Variants in ARHGEF3 observed in about 807,000 individuals in gnomAD.
ARHGEF3 encodes Rho guanine nucleotide exchange factor 3.
Under a neutral mutation model 63.2 loss-of-function variants are expected in ARHGEF3, and 28 were observed. That is an observed-to-expected ratio of 0.44 (90% CI 0.33 to 0.61). ARHGEF3 has a LOEUF of 0.61. ARHGEF3 is among the 20% of genes least tolerant of loss of function. ARHGEF3 has a pLI of 0.03. For synonymous variants in ARHGEF3, 266 were observed against 254.2 expected (o/e 1.05, Z -0.44); for missense variants, 533 against 659.3 (o/e 0.81, Z 2.10).
chr3:56,935,294 G>C (rs1394696773), intron 3 of ARHGEF3, among the ~76,000 whole-genome samples: 2 of 152,140 alleles, frequency 1.3e-5, no homozygotes, highest in Non-Finnish European at 2.9e-5. Flanking sequence ...TTTGTGTCTA[G>C]CTCAGGGATT....
chr3:57,035,550 T>C (rs1219165045), intron 1 of ARHGEF3, among the ~76,000 whole-genome samples: 2 of 152,252 alleles, frequency 1.3e-5, no homozygotes, highest in East Asian at 3.8e-4. Context: ...GGTTAGACCA[T>C]GTTGGCTAGG....
intron 8 of ARHGEF3, among the ~76,000 whole-genome samples, chr3:56,734,845 G>C (rs184634159): frequency 6.6e-6 from 1 of 152,090 alleles, no homozygotes; most frequent in Non-Finnish European, 1.5e-5. Context: ...TTTTTGGTGT[G>C]GTAGTTGTGG....
At chr3:56,833,574 C>T (rs937493577) in intron 4 of ARHGEF3, among the ~76,000 whole-genome samples, 2 of 152,138 alleles carry the variant, frequency 1.3e-5, no homozygotes, top group Non-Finnish European at 2.9e-5. Flanking sequence ...TTCCCTACAC[C>T]ACATTTTATT....
intron 2 of ARHGEF3, among the ~76,000 whole-genome samples, chr3:57,003,177 G>C (rs111533658): frequency 6.6e-6 from 1 of 151,056 alleles, no homozygotes; most frequent in Non-Finnish European, 1.5e-5. Context: ...AGGCAGAGGC[G>C]GGCGGATCAC....
At chr3:56,967,669 A>C (rs1344264173) in intron 2 of ARHGEF3, among the ~76,000 whole-genome samples, 1 of 85,900 alleles carries the variant, frequency 1.2e-5, no homozygotes, top group Non-Finnish European at 2.0e-5. Flanking sequence ...TATTATATAT[A>C]ATACTTATTA....
intron 2 of ARHGEF3, among the ~76,000 whole-genome samples, chr3:56,965,681 CT>C: frequency 6.9e-6 from 1 of 144,936 alleles, no homozygotes; most frequent in East Asian, 2.0e-4. Flanking sequence ...CGGAGTCTCG[CT>C]CTGTCGCCCA....
rs371047984 is a variant in ARHGEF3 at position 56,912,928 on chromosome 3, A to G, written c.130-30574T>C. 1.1e-4 allele frequency among the ~76,000 whole-genome samples: 16 copies of G among 152,350 alleles called. No individual in the cohort carries two copies. The East Asian group carries it at 2.9e-3, about 28-fold the overall frequency. On this transcript the variant is annotated intron_variant, in intron 3 of 12. Transcript: ENST00000338458. ...CAAGGTGGGATGATCACTTAAGGCC[A>G]GGAGTTCAAGACGAGCCTGGGCAAC...
intron 2 of ARHGEF3, among the ~76,000 whole-genome samples, chr3:57,010,088 G>A (rs530761511): frequency 1.5e-4 from 23 of 152,208 alleles, no homozygotes; most frequent in South Asian, 4.1e-4. Context: ...ACATGCAGGC[G>A]CCACAGCACA....
rs139299654 is a variant in ARHGEF3, at chr3:56,975,573, T to A, written c.63-16684A>T. Among the ~76,000 whole-genome samples the A allele has an allele frequency of 4.7e-4, 71 of 152,306 alleles. 1 individual carries two copies. In the East Asian group the frequency reaches 8.3e-3, roughly 18 times the overall value. Reference sequence around the variant, plus strand: ...AGTAGATATATTTGTTACTCCCACTTTACAGGTGAAAAAACTGAGGCTCAG... The same window carrying A: ...AGTAGATATATTTGTTACTCCCACTATACAGGTGAAAAAACTGAGGCTCAG... On this transcript the variant is annotated intron_variant, in intron 2 of 12. Coordinates refer to the ARHGEF3 transcript ENST00000338458.
rs1312790542 is a variant in ARHGEF3, at chr3:56,727,842, T to C, written c.*1428A>G. On this transcript the variant is annotated 3_prime_UTR_variant, in exon 10 of 10. Coordinates refer to ENST00000296315, the MANE Select transcript of ARHGEF3 (RefSeq NM_019555.3). ...TATATACCTTGTTTTTATATTGATA[T>C]ATCTTGTCACACAGCTTGAATGCAC... The C allele has an allele frequency of 6.5e-6, 1 of 152,674 alleles. No homozygotes were observed. The highest frequency in any genetic ancestry group is 2.4e-5 in the African/African-American group (1 of 41,468). 9.5% of individuals were successfully genotyped at this position (152,674 alleles called of 1,614,324 possible). A position where few individuals can be genotyped will look rare whatever the true frequency, so the allele number is the denominator to read the frequency against.
chr3:57,041,638 G>A (rs1704190588), intron 1 of ARHGEF3, among the ~76,000 whole-genome samples: 1 of 152,214 alleles, frequency 6.6e-6, no homozygotes, highest in African/African-American at 2.4e-5. Context: ...AAGAGGGCAT[G>A]CCCTCCAGGG....
At chr3:56,993,438 G>A (rs190649920) in intron 2 of ARHGEF3, among the ~76,000 whole-genome samples, 3 of 151,978 alleles carry the variant, frequency 2.0e-5, no homozygotes, top group African/African-American at 7.2e-5. Flanking sequence ...ACAGTAGTGC[G>A]ATCTTGGCTC....
At chr3:57,069,405 ACACACATT>A (rs1157423549) in intron 1 of ARHGEF3, among the ~76,000 whole-genome samples, 4 of 151,978 alleles carry the variant, frequency 2.6e-5, no homozygotes, top group African/African-American at 9.7e-5. Context: ...ACACACACAC[ACACACATT>A]GTTTGTTTAA....
chr3:56,853,722 T>C (rs1052910886), intron 4 of ARHGEF3, among the ~76,000 whole-genome samples: 1 of 152,216 alleles, frequency 6.6e-6, no homozygotes, highest in Non-Finnish European at 1.5e-5. Context: ...CCACAAGCCA[T>C]GGATGCTCAT....
At chr3:56,895,542 C>T (rs1259440643) in intron 3 of ARHGEF3, among the ~76,000 whole-genome samples, 1 of 151,874 alleles carries the variant, frequency 6.6e-6, no homozygotes, top group African/African-American at 2.4e-5. Flanking sequence ...TGGCTCACTG[C>T]AAGCTCCGCC....
chr3:56,908,149 G>T (rs2041753826), intron 3 of ARHGEF3, among the ~76,000 whole-genome samples: 1 of 152,164 alleles, frequency 6.6e-6, no homozygotes, highest in Admixed American at 6.5e-5. Context: ...GATCAACCCT[G>T]CAACAAACCA....
In ARHGEF3 at chr3:57,006,543, A is replaced by G. The variant is rs533880453; in HGVS notation, c.62+28545T>C. Among the ~76,000 whole-genome samples, 32 of 152,280 alleles carry G rather than the reference A, an allele frequency of 2.1e-4. No individual in the cohort carries two copies. In the South Asian group the frequency reaches 6.4e-3, roughly 31 times the overall value. ...ATGCTGACAGGCAGCATCCGGGGTG[A>G]TCAGATTTCTATCAGTAAAGACACA... is the stretch of plus-strand genomic sequence containing the variant. On this transcript the variant is annotated intron_variant, in intron 2 of 12. Transcript: ENST00000338458.
intron 1 of ARHGEF3, among the ~76,000 whole-genome samples, chr3:57,044,331 G>A (rs1704355340): frequency 6.6e-6 from 1 of 152,174 alleles, no homozygotes; most frequent in Admixed American, 6.5e-5. Context: ...GGGGGGGTTG[G>A]CCATTCGAGA....
intron 3 of ARHGEF3, among the ~76,000 whole-genome samples, chr3:56,923,909 A>G (rs1190511894): frequency 6.6e-6 from 1 of 152,234 alleles, no homozygotes; most frequent in East Asian, 1.9e-4. Flanking sequence ...CTCTCACCCA[A>G]GGTAACTGGT....
Sources: allele counts gnomAD v4.1 joint callset (sites outside exome capture counted in the v4.1 genomes callset), GRCh38; gene constraint gnomAD v4.1.1; transcripts MANE v1.5; gene names NCBI Gene and HGNC (gene_info 2026-07-23, HGNC 2026-07-21).